The following VAV2 variants were observed in gnomAD, a reference collection of about 807,000 sequenced individuals.
VAV2 encodes guanine nucleotide exchange factor VAV2.
A neutral mutation model predicts 132.5 loss-of-function variants in VAV2; 67 were observed. That is an observed-to-expected ratio of 0.51 (90% confidence interval 0.42 to 0.62). VAV2 has a LOEUF of 0.62. VAV2 is among the 20% of genes least tolerant of loss of function. The probability of loss-of-function intolerance (pLI) is 0.00; values close to 1 mark genes in which losing one functional copy is unlikely to be tolerated. For synonymous variants in VAV2, 492 were observed against 443.5 expected (o/e 1.11, Z -1.37); for missense variants, 938 against 1,153.6 (o/e 0.81, Z 2.71).
chr9:133,879,194 G>A lies in VAV2; in HGVS notation c.322-17762C>T, dbSNP rs140323321. Among the ~76,000 whole-genome samples the A allele has an allele frequency of 2.9e-3, 441 of 152,318 alleles. 6 individuals are homozygous for A. Among genetic ancestry groups the A allele is most frequent in the East Asian group, 0.019 (98 of 5,180 alleles). ...CTCTCTGCGCCCCAGGCCCTCCTCT[G>A]TAACGAGGCCCTCTGGGGGCTCTTG... is the stretch of plus-strand genomic sequence containing the variant. On this transcript the variant is annotated intron_variant, in intron 2 of 29. Coordinates refer to ENST00000371850, the MANE Select transcript of VAV2 (RefSeq NM_001134398.2). This position sits in a 1 kb window ranked among gnomAD's most constrained non-coding sequence, Gnocchi z 4.4.
chr9:133,793,257 G>A (rs1381770922), intron 12 of VAV2, among the ~76,000 whole-genome samples: 1 of 152,014 alleles, frequency 6.6e-6, no homozygotes, highest in African/African-American at 2.4e-5. Context: ...CCACGTGGGC[G>A]GTCCTGGCCC....
At chr9:133,775,891 G>A in intron 24 of VAV2, 137 bp downstream of exon 24, 1 of 1,206,176 alleles carries the variant, frequency 8.3e-7, no homozygotes, top group Non-Finnish European at 1.1e-6. Context: ...TGGGCTCAGT[G>A]CCCTGGAGAT....
rs539925952 is a variant in VAV2, at chr9:133,834,410, CCCCA to C, written c.381-74_381-71del. The C allele has an allele frequency of 4.3e-3, 6,516 of 1,527,776 alleles. 20 individuals are homozygous for C. Among genetic ancestry groups the C allele is most frequent in the Non-Finnish European group, 5.0e-3 (5,576 of 1,119,666 alleles). The allele number at this position is 1,527,776 out of a possible 1,614,324, so 94.6% of individuals were successfully genotyped here. On this transcript the variant is annotated intron_variant, in intron 3 of 29. Transcript: ENST00000371850. The surrounding 1 kb of genome is among the most constrained non-coding windows in gnomAD (Gnocchi z 5.9). The stretch of plus-strand genomic sequence containing the variant: ...GCCGGCCAGTGGGACCCCAGCTGGA[CCCCA>C]CAGCAGAGCCCAGTGTGGCCCAGCC...
chr9:133,865,040 A>G (rs1837746186), intron 2 of VAV2, among the ~76,000 whole-genome samples: 1 of 152,244 alleles, frequency 6.6e-6, no homozygotes, highest in Non-Finnish European at 1.5e-5. Context: ...CAGGTTCAGC[A>G]GAGGATAGGA....
intron 2 of VAV2, among the ~76,000 whole-genome samples, chr9:133,923,554 A>T (rs1333090197): frequency 6.6e-6 from 1 of 152,224 alleles, no homozygotes. Context: ...GGGAGTGTAA[A>T]TTGGTTCAAC....
At chr9:133,929,217 C>T (rs1428758465) in intron 2 of VAV2, among the ~76,000 whole-genome samples, 1 of 152,162 alleles carries the variant, frequency 6.6e-6, no homozygotes, top group Non-Finnish European at 1.5e-5. Context: ...CCACTCTCAC[C>T]TGGCCCCAGA....
intron 17 of VAV2, among the ~76,000 whole-genome samples, chr9:133,785,390 C>T (rs1051964943): frequency 2.0e-5 from 3 of 152,208 alleles, no homozygotes; most frequent in Non-Finnish European, 4.4e-5. Context: ...GGTGACAAGC[C>T]GCCAGCCCGT....
intron 20 of VAV2, 187 bp from the exon 21 acceptor site, chr9:133,780,126 T>C (rs1833956787): frequency 1.4e-6 from 1 of 707,188 alleles, no homozygotes. Flanking sequence ...ATTTCACCTC[T>C]GTGCACCTCC....
intron 1 of VAV2, among the ~76,000 whole-genome samples, chr9:133,968,574 G>A (rs997899329): frequency 2.6e-5 from 4 of 151,952 alleles, no homozygotes; most frequent in African/African-American, 7.3e-5. Context: ...GGCCATCCCC[G>A]GGGGCCTGGA....
rs565459249 is a variant in VAV2, at chr9:133,857,598, A to T, written c.380+3776T>A. On this transcript the variant is annotated intron_variant, in intron 3 of 29. Coordinates refer to ENST00000371850, the MANE Select transcript of VAV2 (RefSeq NM_001134398.2). This position sits in a 1 kb window ranked among gnomAD's most constrained non-coding sequence, Gnocchi z 4.0. The stretch of plus-strand genomic sequence containing the variant: ...AAACTAGAACCTTTTGCTAATCACT[A>T]ACACTACAAAACGCTCGAAATGAAA... 5.3e-5 allele frequency among the ~76,000 whole-genome samples: 8 copies of T among 152,302 alleles called. No homozygotes were observed. In the South Asian group the frequency reaches 1.7e-3, roughly 32 times the overall value.
intron 23 of VAV2, among the ~76,000 whole-genome samples, chr9:133,776,946 G>C (rs534832572): frequency 6.6e-6 from 1 of 152,170 alleles, no homozygotes. Context: ...ATATCCCTCA[G>C]ATGAAAGAAA....
In VAV2 at chr9:133,789,296, C is replaced by G; in HGVS notation, c.1236G>C (p.Leu412=). 1.2e-6 allele frequency: 2 copies of G among 1,614,162 alleles called. No individual in the cohort carries two copies. Among genetic ancestry groups the G allele is most frequent in the Non-Finnish European group, 1.7e-6 (2 of 1,180,036 alleles). The change falls in exon 14 of 30, where the codon CTG becomes CTC. Residue 412 remains leucine (L), a synonymous_variant. Coordinates refer to ENST00000371850, the MANE Select transcript of VAV2 (RefSeq NM_001134398.2). The part of the protein sequence containing the change: ...EFGRPKIDGE[L]KVRSIVNHTK... The stretch of plus-strand genomic sequence containing the variant: ...TGTGGTTGACTATGGACCGGACTTT[C>G]AGTTCCCCGTCAATCTTTGGTCTTC...
At chr9:133,854,829 C>T (rs1837325568) in intron 3 of VAV2, among the ~76,000 whole-genome samples, 1 of 152,198 alleles carries the variant, frequency 6.6e-6, no homozygotes, top group Non-Finnish European at 1.5e-5. Context: ...ATTAGGCTGG[C>T]CCAGGGACTC....
At chr9:133,955,100 A>G (rs1467138077) in intron 1 of VAV2, among the ~76,000 whole-genome samples, 1 of 151,998 alleles carries the variant, frequency 6.6e-6, no homozygotes, top group Non-Finnish European at 1.5e-5. Context: ...TGCAGATGGG[A>G]GGCAGCGGTG....
rs541083790 is a variant in VAV2, at chr9:133,896,475, A to G, written c.322-35043T>C. Among the ~76,000 whole-genome samples the G allele has an allele frequency of 9.8e-5, 15 of 152,296 alleles. No individual in the cohort carries two copies. In the East Asian group the frequency reaches 2.7e-3, roughly 27 times the overall value. On this transcript the variant is annotated intron_variant, in intron 2 of 29. Transcript: ENST00000371850. ...TCTCAAAAAAATAAATAAATAAAAT[A>G]AAAAAGAATAAAATCTTTATAAACG...
Position 133,797,783 on chromosome 9 carries a change from C to T in VAV2, c.863G>A (p.Ser288Asn). Reference protein sequence around the residue: ...ERLLIYGEYCSHMEHAQNTLN... With the variant: ...ERLLIYGEYCNHMEHAQNTLN... Reference sequence around the variant, plus strand: ...TGTGTTCTGGGCGTGCTCCATGTGGCTGCAGTACTCCCCGTAGATCAGAAG... The same window carrying T: ...TGTGTTCTGGGCGTGCTCCATGTGGTTGCAGTACTCCCCGTAGATCAGAAG... Residue 288 changes from serine (S) to asparagine (N), a missense_variant, in exon 10 of 30, where the codon AGC becomes AAC. Ser to Asn is a conservative substitution (Grantham distance 46). Coordinates refer to ENST00000371850, the MANE Select transcript of VAV2 (RefSeq NM_001134398.2). 1 of 1,614,042 alleles carries T rather than the reference C, an allele frequency of 6.2e-7. No homozygotes were observed. Among genetic ancestry groups the T allele is most frequent in the Non-Finnish European group, 8.5e-7 (1 of 1,179,932 alleles).
chr9:133,784,428 G>C lies in VAV2; in HGVS notation c.1533-10C>G. ...TGGCTTGATGTTTGACCTGGCAGGA[G>C]GGAAAGAGAGCAGATGCTACACCCA... is the stretch of plus-strand genomic sequence containing the variant. On this transcript the variant is annotated splice_polypyrimidine_tract_variant and intron_variant, in intron 17 of 29. Transcript: ENST00000371850. 6.2e-7 allele frequency: 1 copy of C among 1,614,006 alleles called. No homozygotes were observed. Among genetic ancestry groups the C allele is most frequent in the Non-Finnish European group, 8.5e-7 (1 of 1,179,836 alleles).
Position 133,788,616 on chromosome 9 carries a change from C to G in VAV2, c.1275-130G>C. Reference sequence around the variant, plus strand: ...CCGGGCGAGCCCTGCCCTCACCTGGCTCACCAGGCTAATGCTGAGCCTCGG... The same window carrying G: ...CCGGGCGAGCCCTGCCCTCACCTGGGTCACCAGGCTAATGCTGAGCCTCGG... On this transcript the variant is annotated intron_variant, in intron 14 of 29. Transcript: ENST00000371850. This position sits in a 1 kb window ranked among gnomAD's most constrained non-coding sequence, Gnocchi z 5.3. 1 of 1,308,562 alleles carries G rather than the reference C, an allele frequency of 7.6e-7. No homozygotes were observed. Among genetic ancestry groups the G allele is most frequent in the Non-Finnish European group, 1.0e-6 (1 of 963,880 alleles). 81.1% of individuals were successfully genotyped at this position (1,308,562 alleles called of 1,614,324 possible).
intron 2 of VAV2, among the ~76,000 whole-genome samples, chr9:133,862,500 C>T (rs1440340313): frequency 3.9e-5 from 6 of 152,180 alleles, no homozygotes; most frequent in Non-Finnish European, 5.9e-5. Flanking sequence ...TGACAGCTCG[C>T]GTGTGTGGTC....
Sources: gnomAD v4.1 joint callset for allele counts (sites outside exome capture counted in the v4.1 genomes callset) on GRCh38, gnomAD v4.1.1 for gene constraint, Gnocchi (gnomAD v3.1) non-coding constraint, MANE v1.5 for transcripts, NCBI Gene and HGNC (gene_info 2026-07-23, HGNC 2026-07-21) for gene names.